RBMS3: variants seen among roughly 807,000 people sequenced by gnomAD.
The protein encoded by RBMS3 is RNA binding motif single stranded interacting protein 3.
In RBMS3, 27 loss-of-function variants were observed where a neutral mutation model predicts 66.8. That is an observed-to-expected ratio of 0.40 (90% confidence interval 0.30 to 0.56). The LOEUF is 0.56. Ranked by LOEUF, RBMS3 falls within the 20% of genes least tolerant of loss-of-function variation. The pLI, the probability that RBMS3 is intolerant of heterozygous loss-of-function variation, is 0.40. For missense variants in RBMS3, 513 were observed against 549.5 expected (o/e 0.93, Z 0.66); for synonymous variants, 188 against 183.0 (o/e 1.03, Z -0.22).
At chr3:29,658,013 T>C (rs998072671) in intron 4 of RBMS3, among the ~76,000 whole-genome samples, 1 of 152,180 alleles carries the variant, frequency 6.6e-6, no homozygotes, top group East Asian at 1.9e-4. Flanking sequence ...GGCCGTAGAG[T>C]GTAGTGTTTA....
At chr3:29,593,047 G>A (rs931215597) in intron 4 of RBMS3, among the ~76,000 whole-genome samples, 7 of 151,362 alleles carry the variant, frequency 4.6e-5, no homozygotes, top group African/African-American at 1.7e-4. Flanking sequence ...GAAAGCATTA[G>A]GATATATAGC....
At chr3:29,687,013 A>C (rs1440501) in intron 4 of RBMS3, among the ~76,000 whole-genome samples, 1 of 151,930 alleles carries the variant, frequency 6.6e-6, no homozygotes, top group Non-Finnish European at 1.5e-5. Flanking sequence ...GTATATCATC[A>C]GTTTTGTTTT....
chr3:29,614,483 G>T (rs2149138909), intron 4 of RBMS3: 1 of 152,152 alleles, frequency 6.6e-6, no homozygotes, highest in South Asian at 2.1e-4. Context: ...ACCACAAAAT[G>T]ATAAATATGT....
chr3:29,518,226 G>C (rs1442588642), intron 3 of RBMS3, among the ~76,000 whole-genome samples: 1 of 152,324 alleles, frequency 6.6e-6, no homozygotes, highest in Admixed American at 6.5e-5. Context: ...ACTGTTTGTG[G>C]TTAAATTTGG....
rs1015508809 is a variant in RBMS3 at position 30,005,137 on chromosome 3, G to A, written c.*1275G>A. The A allele has an allele frequency of 3.3e-5, 5 of 151,092 alleles. No individual in the cohort carries two copies. The highest frequency in any genetic ancestry group is 3.3e-4 in the Admixed American group (5 of 15,140). The allele number at this position is 151,092 out of a possible 1,614,324, so 9.4% of individuals were successfully genotyped here. A position where few individuals can be genotyped will look rare whatever the true frequency, so the allele number is the denominator to read the frequency against. ...AAAAATTTATTTGACCGACATGGCC[G>A]GACCAGTTCTTTCTTTGTTGTTTGT... is the stretch of plus-strand genomic sequence containing the variant. On this transcript the variant is annotated 3_prime_UTR_variant, in exon 15 of 15. Transcript: ENST00000383767.
At chr3:29,565,559 G>A (rs1437688498) in intron 3 of RBMS3, among the ~76,000 whole-genome samples, 1 of 151,932 alleles carries the variant, frequency 6.6e-6, no homozygotes, top group Non-Finnish European at 1.5e-5. Context: ...CTTTTGTTAA[G>A]TCACAATAAA....
At chr3:29,885,434 C>T (rs1380798845) in intron 8 of RBMS3, among the ~76,000 whole-genome samples, 2 of 151,628 alleles carry the variant, frequency 1.3e-5, no homozygotes, top group Admixed American at 6.6e-5. Context: ...AATTATATTA[C>T]GTAGTTGGAG....
intron 3 of RBMS3, among the ~76,000 whole-genome samples, chr3:29,539,669 AC>A (rs1442164418): frequency 9.9e-5 from 15 of 152,150 alleles, no homozygotes; most frequent in Admixed American, 9.8e-4. Context: ...GCTCCTTTTG[AC>A]TTTTAATTGC....
intron 12 of RBMS3, among the ~76,000 whole-genome samples, chr3:29,977,543 A>T (rs1227257593): frequency 6.6e-6 from 1 of 152,044 alleles, no homozygotes; most frequent in Non-Finnish European, 1.5e-5. Context: ...GTTTCTTCAC[A>T]CAACACCGTG....
chr3:29,414,242 G>A (rs1319307712), intron 1 of RBMS3, among the ~76,000 whole-genome samples: 1 of 152,110 alleles, frequency 6.6e-6, no homozygotes, highest in Non-Finnish European at 1.5e-5. Flanking sequence ...AAATAAAGGG[G>A]AGCTACCTGG....
At chr3:29,821,871 A>C (rs2058084127) in intron 6 of RBMS3, among the ~76,000 whole-genome samples, 1 of 150,614 alleles carries the variant, frequency 6.6e-6, no homozygotes, top group Non-Finnish European at 1.5e-5. Context: ...ATTCTGATGG[A>C]AAGTGTATCC....
At chr3:29,865,331 A>C (rs75894323) in intron 6 of RBMS3, among the ~76,000 whole-genome samples, 3,401 of 152,284 alleles carry the variant, frequency 0.022, 67 homozygotes, top group East Asian at 0.087. Context: ...TATAAGAACC[A>C]TTGTTAGGGG....
intron 4 of RBMS3, among the ~76,000 whole-genome samples, chr3:29,633,675 A>G (rs774780443): frequency 8.6e-5 from 13 of 151,800 alleles, no homozygotes; most frequent in Non-Finnish European, 1.3e-4. Flanking sequence ...CCATAGTACA[A>G]GTAGAGGAAG....
chr3:29,544,345 T>C (rs1403491558), intron 3 of RBMS3, among the ~76,000 whole-genome samples: 1 of 152,094 alleles, frequency 6.6e-6, no homozygotes, highest in African/African-American at 2.4e-5. Context: ...TGTTTTTCAC[T>C]GATGATAAAA....
chr3:29,728,414 G>A lies in RBMS3; in HGVS notation c.400-11306G>A, dbSNP rs1455088870. The stretch of plus-strand genomic sequence containing the variant: ...AATAATGTATATGCCAAATGATGCC[G>A]GCAATCGTGATGAAAGACATTCTTT... On this transcript the variant is annotated intron_variant, in intron 4 of 14. Coordinates refer to ENST00000383767, the MANE Select transcript of RBMS3 (RefSeq NM_001003793.3). 5.9e-5 allele frequency among the ~76,000 whole-genome samples: 9 copies of A among 151,982 alleles called. No homozygotes were observed. The South Asian group carries it at 1.5e-3, about 25-fold the overall frequency.
At chr3:29,618,455 G>A (rs929615018) in intron 4 of RBMS3, among the ~76,000 whole-genome samples, 3 of 151,868 alleles carry the variant, frequency 2.0e-5, no homozygotes, top group Admixed American at 6.6e-5. Flanking sequence ...AGAGTGAGCC[G>A]AGATCGTACC....
At chr3:29,760,043 G>A (rs1002967761) in intron 5 of RBMS3, among the ~76,000 whole-genome samples, 1 of 151,988 alleles carries the variant, frequency 6.6e-6, no homozygotes, top group African/African-American at 2.4e-5. Context: ...AATCTACTCT[G>A]CTGTCTTTGT....
chr3:29,669,272 T>G (rs1259042413), intron 4 of RBMS3, among the ~76,000 whole-genome samples: 1 of 152,198 alleles, frequency 6.6e-6, no homozygotes, highest in Admixed American at 6.5e-5. Context: ...CTTCACTCCC[T>G]CAATAAATCA....
At chr3:29,713,089 G>A (rs949468814) in intron 4 of RBMS3, among the ~76,000 whole-genome samples, 2 of 151,860 alleles carry the variant, frequency 1.3e-5, no homozygotes, top group African/African-American at 2.4e-5. Context: ...CTTAGTGATT[G>A]ATTATTGTGG....
Sources: gnomAD v4.1 joint callset for allele counts (sites outside exome capture counted in the v4.1 genomes callset) on GRCh38, gnomAD v4.1.1 for gene constraint, MANE v1.5 for transcripts, NCBI Gene and HGNC (gene_info 2026-07-23, HGNC 2026-07-21) for gene names.